Variants in RXRA observed in about 807,000 individuals in gnomAD.
RXRA encodes the protein retinoid X receptor alpha, also known as retinoic acid receptor RXR-alpha.
A neutral mutation model predicts 44.5 loss-of-function variants in RXRA; 5 were observed. That is an observed-to-expected ratio of 0.11 (90% CI 0.06 to 0.24). The LOEUF is 0.24. Ranked by LOEUF, RXRA falls within the 10% of genes least tolerant of loss-of-function variation. RXRA has a pLI of 1.00. For synonymous variants in RXRA, 291 were observed against 271.4 expected (o/e 1.07, Z -0.71); for missense variants, 412 against 646.5 (o/e 0.64, Z 3.93).
At position 134,366,106 on chromosome 9, in the gene RXRA, C is replaced by T. The variant is rs1022911284; in HGVS notation, c.29-35526C>T. Among the ~76,000 whole-genome samples, 2 of 152,104 alleles carry T rather than the reference C, an allele frequency of 1.3e-5. No individual in the cohort carries two copies. Among genetic ancestry groups the T allele is most frequent in the South Asian group, 2.1e-4 (1 of 4,830 alleles). Reference sequence around the variant, plus strand: ...TCGTGCCTCAGTAACAACCTGGGAGCGGTGCTGTCCCTGGGTACAGATGAG... The same window carrying T: ...TCGTGCCTCAGTAACAACCTGGGAGTGGTGCTGTCCCTGGGTACAGATGAG... On this transcript the variant is annotated intron_variant, in intron 1 of 9. Coordinates refer to ENST00000481739, the MANE Select transcript of RXRA (RefSeq NM_002957.6). The surrounding 1 kb of genome is among the most constrained non-coding windows in gnomAD (Gnocchi z 5.9).
At chr9:134,354,851 G>T (rs907450465) in intron 1 of RXRA, among the ~76,000 whole-genome samples, 1 of 152,242 alleles carries the variant, frequency 6.6e-6, no homozygotes, top group African/African-American at 2.4e-5. Context: ...CGTCCCATAG[G>T]CCTGTGCACT....
intron 5 of RXRA, among the ~76,000 whole-genome samples, chr9:134,418,178 C>G (rs957468877): frequency 2.0e-5 from 3 of 152,178 alleles, no homozygotes; most frequent in Non-Finnish European, 2.9e-5. Flanking sequence ...GTGAGCTTGT[C>G]TGGCTGGGAG....
intron 1 of RXRA, among the ~76,000 whole-genome samples, chr9:134,355,469 G>A (rs1160350608): frequency 4.0e-5 from 6 of 151,166 alleles, no homozygotes; most frequent in African/African-American, 9.8e-5. Flanking sequence ...CTCAGTCAGC[G>A]CCGGGAACTG....
chr9:134,332,312 G>C (rs1835017715), intron 1 of RXRA, among the ~76,000 whole-genome samples: 1 of 152,166 alleles, frequency 6.6e-6, no homozygotes, highest in South Asian at 2.1e-4. Flanking sequence ...TCCCAGGGCA[G>C]GGCAGGGTAG....
rs1247121200 is a variant in RXRA, at chr9:134,417,418, G to A, written c.780+91G>A. On this transcript the variant is annotated intron_variant, in intron 5 of 9. Transcript: ENST00000481739. The surrounding 1 kb of genome is among the most constrained non-coding windows in gnomAD (Gnocchi z 6.1). ...TCCCACCTGAGCAGCTGATGAGCCA[G>A]AGAGGTCCTGGGGGCTGCCCTGGGC... 3 of 1,467,248 alleles carry A rather than the reference G, an allele frequency of 2.0e-6. No individual in the cohort carries two copies. The African/African-American group carries it at 4.2e-5, about 20-fold the overall frequency. 90.9% of individuals were successfully genotyped at this position (1,467,248 alleles called of 1,614,324 possible).
intron 1 of RXRA, among the ~76,000 whole-genome samples, chr9:134,382,851 G>T (rs1056590462): frequency 1.3e-5 from 2 of 152,202 alleles, no homozygotes; most frequent in Non-Finnish European, 2.9e-5. Context: ...TGAGAGCAGC[G>T]TTCGGCGAGT....
intron 1 of RXRA, among the ~76,000 whole-genome samples, chr9:134,375,476 G>A (rs1022799977): frequency 6.6e-6 from 1 of 152,202 alleles, no homozygotes; most frequent in African/African-American, 2.4e-5. Context: ...TCCAGGCAGT[G>A]GGCAGGGGAT....
chr9:134,340,413 G>A (rs1423769486), intron 1 of RXRA, among the ~76,000 whole-genome samples: 2 of 152,200 alleles, frequency 1.3e-5, no homozygotes, highest in Non-Finnish European at 2.9e-5. Flanking sequence ...TTCCCAGGAA[G>A]TGTCACAGGG....
chr9:134,369,417 T>C (rs1830463860), intron 1 of RXRA, among the ~76,000 whole-genome samples: 1 of 109,706 alleles, frequency 9.1e-6, no homozygotes, highest in East Asian at 3.0e-4. Context: ...GTGGGTTATA[T>C]GTGTGTGAGT....
intron 5 of RXRA, among the ~76,000 whole-genome samples, chr9:134,419,134 C>A (rs1308860908): frequency 6.6e-6 from 1 of 152,234 alleles, no homozygotes; most frequent in East Asian, 1.9e-4. Flanking sequence ...GGCACAGACC[C>A]ACCCCCAGCC....
intron 2 of RXRA, chr9:134,402,665 G>A (rs1300086896): frequency 2.7e-5 from 4 of 150,420 alleles, no homozygotes; most frequent in Non-Finnish European, 2.9e-5. Flanking sequence ...CAGCCCTGGG[G>A]TGTCCGGTCT....
chr9:134,423,037 G>A, intron 6 of RXRA: 1 of 985,502 alleles, frequency 1.0e-6, no homozygotes, highest in Non-Finnish European at 1.2e-6. Flanking sequence ...GTGGCTGGGA[G>A]CTCAGCTTTG....
At chr9:134,412,128 G>A (rs1326792056) in intron 4 of RXRA, among the ~76,000 whole-genome samples, 3 of 152,248 alleles carry the variant, frequency 2.0e-5, no homozygotes, top group Non-Finnish European at 4.4e-5. Flanking sequence ...GCGGAGGGCA[G>A]GGCTGTTGGC....
intron 4 of RXRA, among the ~76,000 whole-genome samples, chr9:134,411,141 C>T (rs562778656): frequency 1.5e-3 from 236 of 152,296 alleles, no homozygotes; most frequent in Non-Finnish European, 2.7e-3. Flanking sequence ...ACCTGGCCCT[C>T]GGAAGTCGGT....
chr9:134,418,466 C>A (rs866795274), intron 5 of RXRA, among the ~76,000 whole-genome samples: 1 of 152,170 alleles, frequency 6.6e-6, no homozygotes, highest in Admixed American at 6.5e-5. Flanking sequence ...GTTGCCCCAA[C>A]CTCTGTCCCT....
At chr9:134,338,944 C>G (rs4917350) in intron 1 of RXRA, among the ~76,000 whole-genome samples, 46,050 of 152,226 alleles carry the variant, frequency 0.3, 7,117 homozygotes, top group African/African-American at 0.34. Flanking sequence ...GGCCGCCTTT[C>G]TGAGAACAAG....
At position 134,417,046 on chromosome 9, in the gene RXRA, T is replaced by A; in HGVS notation, c.611-112T>A. 1 of 1,122,734 alleles carries A rather than the reference T, an allele frequency of 8.9e-7. No homozygotes were observed. The highest frequency in any genetic ancestry group is 1.3e-6 in the Non-Finnish European group (1 of 791,086). 69.5% of individuals were successfully genotyped at this position (1,122,734 alleles called of 1,614,324 possible). ...CATCACCCAGTGCTGGTGGGGATGCTGGTGTTGTGGGTGAGTTGGCTGGGA... is the reference window on the plus strand; with the variant it reads ...CATCACCCAGTGCTGGTGGGGATGCAGGTGTTGTGGGTGAGTTGGCTGGGA... On this transcript the variant is annotated intron_variant, in intron 4 of 9. Coordinates refer to ENST00000481739, the MANE Select transcript of RXRA (RefSeq NM_002957.6). This position sits in a 1 kb window ranked among gnomAD's most constrained non-coding sequence, Gnocchi z 6.1.
chr9:134,369,500 G>A (rs372252168), intron 1 of RXRA, among the ~76,000 whole-genome samples: 1 of 130,926 alleles, frequency 7.6e-6, no homozygotes, highest in Admixed American at 7.7e-5. Flanking sequence ...GTGTGAGAGT[G>A]CGGGGGTTGT....
chr9:134,429,619 G>A (rs916070540), intron 7 of RXRA, among the ~76,000 whole-genome samples: 8 of 152,314 alleles, frequency 5.3e-5, no homozygotes, highest in African/African-American at 1.9e-4. Context: ...CGGTAATGCC[G>A]TGGCAGCCCG....
Sources: gnomAD v4.1 joint callset for allele counts (sites outside exome capture counted in the v4.1 genomes callset) on GRCh38, gnomAD v4.1.1 for gene constraint, Gnocchi (gnomAD v3.1) non-coding constraint, MANE v1.5 for transcripts, NCBI Gene and HGNC (gene_info 2026-07-23, HGNC 2026-07-21) for gene names.